The following SLC12A6 variants were observed in gnomAD, a reference collection of about 807,000 sequenced individuals.
The protein encoded by SLC12A6 is K-Cl cotransporter 3.
SLC12A6 carries 66 observed loss-of-function variants against 135.3 expected under a neutral mutation model. The ratio of observed to expected loss-of-function variants is 0.49; its 90% CI spans 0.40 to 0.60. SLC12A6 has a LOEUF of 0.60. SLC12A6 is among the 20% of genes least tolerant of loss of function. The pLI is 0.00. For synonymous variants in SLC12A6, 513 were observed against 508.8 expected, an observed-to-expected ratio of 1.01 and a Z score of -0.11; for missense variants, 1,058 against 1,452.3, an observed-to-expected ratio of 0.73 and a Z score of 4.41.
chr15:34,237,263 G>T, intron 22 of SLC12A6, 156 bp downstream of exon 22: 1 of 622,158 alleles, frequency 1.6e-6, no homozygotes, highest in Non-Finnish European at 2.7e-6. Context: ...TTCTACTTAG[G>T]GCAACAAATT....
chr15:34,259,597 C>T (rs1451732564), intron 4 of SLC12A6, among the ~76,000 whole-genome samples: 2 of 152,150 alleles, frequency 1.3e-5, no homozygotes, highest in Admixed American at 6.6e-5. Flanking sequence ...TGTGATCGTG[C>T]CACTGCACTC....
At chr15:34,279,615 GC>G (rs1894537417) in intron 2 of SLC12A6, among the ~76,000 whole-genome samples, 2 of 152,136 alleles carry the variant, frequency 1.3e-5, no homozygotes, top group Non-Finnish European at 2.9e-5. Context: ...ACCCAAGTTT[GC>G]CTAAGACTGG....
chr15:34,241,151 G>T, intron 18 of SLC12A6, 82 bp downstream of exon 18: 2 of 795,512 alleles, frequency 2.5e-6, no homozygotes, highest in East Asian at 5.1e-5. Context: ...GCCACATATG[G>T]TTTCCTTATC....
intron 2 of SLC12A6, among the ~76,000 whole-genome samples, chr15:34,282,117 T>C (rs1470034775): frequency 1.3e-5 from 2 of 152,124 alleles, no homozygotes; most frequent in Non-Finnish European, 2.9e-5. Context: ...AGGAACCACA[T>C]ACTCTACTTC....
At chr15:34,292,061 G>A (rs1050709847) in intron 2 of SLC12A6, among the ~76,000 whole-genome samples, 2 of 152,134 alleles carry the variant, frequency 1.3e-5, no homozygotes, top group African/African-American at 2.4e-5. Context: ...GAGAAGAAGA[G>A]GCATTCTGGT....
intron 2 of SLC12A6, among the ~76,000 whole-genome samples, chr15:34,313,084 C>T (rs1837889586): frequency 6.6e-6 from 1 of 152,324 alleles, no homozygotes; most frequent in East Asian, 1.9e-4. Context: ...AATAAACCCA[C>T]ATTGGCCTCT....
In SLC12A6 at chr15:34,236,174, G is replaced by A; in HGVS notation, c.3068C>T (p.Ser1023Leu). Reference protein sequence around the residue: ...REAQLVKDRNSMLRLTSIGSD... With the variant: ...REAQLVKDRNLMLRLTSIGSD... ...GCCAATGCTGGTCAATCGTAGCATT[G>A]AGTTTCGGTCTTTCACCAATTGTGC... is the stretch of plus-strand genomic sequence containing the variant. The change falls in exon 24 of 26, where the codon TCA becomes TTA. Residue 1023 changes from serine (S) to leucine (L), a missense_variant. By Grantham distance (145) the Ser-to-Leu change is moderately radical. This residue lies in a region of SLC12A6 where 245 missense variants were observed against 440.8 expected (regional missense o/e 0.56). Coordinates refer to ENST00000354181, the MANE Select transcript of SLC12A6 (RefSeq NM_001365088.1). The A allele has an allele frequency of 6.2e-7, 1 of 1,613,988 alleles. No individual in the cohort carries two copies. Among genetic ancestry groups the A allele is most frequent in the Non-Finnish European group, 8.5e-7 (1 of 1,179,870 alleles).
chr15:34,255,966 T>C (rs561241816), intron 7 of SLC12A6, among the ~76,000 whole-genome samples: 1 of 152,106 alleles, frequency 6.6e-6, no homozygotes. Context: ...AGACTCTGTC[T>C]ATAAAAAAAT....
Position 34,230,550 on chromosome 15 carries a change from G to T in SLC12A6, c.*3331C>A, listed in dbSNP as rs937966600. On this transcript the variant is annotated 3_prime_UTR_variant, in exon 26 of 26. Coordinates refer to ENST00000354181, the MANE Select transcript of SLC12A6 (RefSeq NM_001365088.1). ...AGCTATTGAAGGCAGAGGGTCAGCA[G>T]GAGGATGTGTATTTCTAATCTACCC... is the stretch of plus-strand genomic sequence containing the variant. 1 of 152,622 alleles carries T rather than the reference G, an allele frequency of 6.6e-6. No individual in the cohort carries two copies. The highest frequency in any genetic ancestry group is 6.5e-5 in the Admixed American group (1 of 15,282). 9.5% of individuals were successfully genotyped at this position (152,622 alleles called of 1,614,324 possible).
At chr15:34,335,997 C>CA (rs1033968689) in intron 2 of SLC12A6, among the ~76,000 whole-genome samples, 4 of 152,174 alleles carry the variant, frequency 2.6e-5, no homozygotes, top group African/African-American at 9.7e-5. Context: ...GTAACTACTC[C>CA]ATGAAACCAG....
intron 2 of SLC12A6, among the ~76,000 whole-genome samples, chr15:34,277,154 G>C (rs1021765074): frequency 6.6e-6 from 1 of 152,160 alleles, no homozygotes; most frequent in African/African-American, 2.4e-5. Context: ...GGATACTGGG[G>C]CTGGGTGCAG....
intron 2 of SLC12A6, among the ~76,000 whole-genome samples, chr15:34,311,430 G>C (rs1358623751): frequency 4.6e-5 from 7 of 152,120 alleles, no homozygotes; most frequent in African/African-American, 7.2e-5. Context: ...GCAATAATCA[G>C]TAAAACTTTG....
At chr15:34,291,102 T>C (rs1422098366) in intron 2 of SLC12A6, among the ~76,000 whole-genome samples, 2 of 152,250 alleles carry the variant, frequency 1.3e-5, no homozygotes, top group Non-Finnish European at 2.9e-5. Flanking sequence ...TTTGGTATGT[T>C]GTTGCAGTGG....
intron 8 of SLC12A6, 103 bp from the exon 9 acceptor site, chr15:34,254,692 G>A: frequency 1.2e-6 from 1 of 867,608 alleles, no homozygotes; most frequent in African/African-American, 1.7e-5. Context: ...GCAAAGCTGA[G>A]AGAGAAAATG....
chr15:34,276,856 CAGAA>C (rs1390999649), intron 2 of SLC12A6, among the ~76,000 whole-genome samples: 2 of 152,048 alleles, frequency 1.3e-5, no homozygotes, highest in African/African-American at 2.4e-5. Context: ...GCATCCCAGA[CAGAA>C]AGAAACAATC....
At chr15:34,256,197 T>C (rs1892742909) in intron 7 of SLC12A6, 32 bp downstream of exon 7, 2 of 1,421,556 alleles carry the variant, frequency 1.4e-6, no homozygotes, top group African/African-American at 1.4e-5. Flanking sequence ...TCAACACTGA[T>C]AAATCCTGAA....
At position 34,233,547 on chromosome 15, in the gene SLC12A6, T is replaced by A. The variant is rs1237424218; in HGVS notation, c.*334A>T. 9 of 302,706 alleles carry A rather than the reference T, an allele frequency of 3.0e-5. No individual in the cohort carries two copies. The highest frequency in any genetic ancestry group is 1.1e-3 in the Middle Eastern group (1 of 882). 18.8% of individuals were successfully genotyped at this position (302,706 alleles called of 1,614,324 possible). A position where few individuals can be genotyped will look rare whatever the true frequency, so the allele number is the denominator to read the frequency against. ...ATGCTGAATACGTACTTGACTTGCT[T>A]TTTTTCTTCAGTTGAATTTCTAGCA... On this transcript the variant is annotated 3_prime_UTR_variant, in exon 26 of 26. Transcript: ENST00000354181.
At chr15:34,280,504 A>G (rs2140911872) in intron 2 of SLC12A6, among the ~76,000 whole-genome samples, 1 of 152,126 alleles carries the variant, frequency 6.6e-6, no homozygotes, top group South Asian at 2.1e-4. Context: ...CCAAAGCGTC[A>G]TCATCATCAA....
At chr15:34,294,678 C>G (rs980270055) in intron 2 of SLC12A6, among the ~76,000 whole-genome samples, 1 of 152,106 alleles carries the variant, frequency 6.6e-6, no homozygotes, top group African/African-American at 2.4e-5. Flanking sequence ...ATCAATCCTC[C>G]CACCTCAGTC....
Sources: gnomAD v4.1 joint callset for allele counts (sites outside exome capture counted in the v4.1 genomes callset) on GRCh38, gnomAD v4.1.1 for gene constraint, gnomAD v4.1.1 regional missense constraint, MANE v1.5 for transcripts, NCBI Gene and HGNC (gene_info 2026-07-23, HGNC 2026-07-21) for gene names.